Variants in ARHGEF3 observed in about 807,000 individuals in gnomAD.
ARHGEF3 encodes Rho guanine nucleotide exchange factor 3.
In ARHGEF3, 28 loss-of-function variants were observed where a neutral mutation model predicts 63.2. The ratio of observed to expected loss-of-function variants is 0.44; its 90% CI spans 0.33 to 0.61. The LOEUF (loss-of-function observed/expected upper bound fraction) is 0.61, where lower values mean the gene tolerates loss of function less well. Among genes scored for constraint, ARHGEF3 ranks in the 20% least tolerant of loss-of-function variants. The pLI is 0.03. For synonymous variants in ARHGEF3, 266 were observed against 254.2 expected (o/e 1.05, Z -0.44); for missense variants, 533 against 659.3 (o/e 0.81, Z 2.10).
intron 1 of ARHGEF3, among the ~76,000 whole-genome samples, chr3:57,058,886 G>GC (rs560117048): frequency 1.1e-3 from 166 of 151,026 alleles, no homozygotes; most frequent in African/African-American, 3.9e-3. Flanking sequence ...GCAAACTATC[G>GC]CAAGGACAAG....
intron 2 of ARHGEF3, among the ~76,000 whole-genome samples, chr3:56,759,956 C>A (rs563722806): frequency 6.6e-6 from 1 of 152,192 alleles, no homozygotes; most frequent in Non-Finnish European, 1.5e-5. Flanking sequence ...CTCAAATTCA[C>A]GTATTCTTTT....
intron 4 of ARHGEF3, among the ~76,000 whole-genome samples, chr3:56,850,389 C>T (rs763927079): frequency 2.6e-5 from 4 of 152,256 alleles, no homozygotes; most frequent in African/African-American, 7.2e-5. Flanking sequence ...ATTAGTTGGG[C>T]GTGGTGGCAC....
intron 3 of ARHGEF3, chr3:56,958,674 T>C: frequency 1.2e-6 from 1 of 821,022 alleles, no homozygotes; most frequent in East Asian, 2.7e-5. Context: ...CTGATTCAAG[T>C]GTGACTTCCC....
intron 3 of ARHGEF3, among the ~76,000 whole-genome samples, chr3:56,920,008 A>G (rs147400051): frequency 5.8e-4 from 89 of 152,330 alleles, no homozygotes; most frequent in African/African-American, 2.1e-3. Context: ...CTAGAGAAGG[A>G]TCGCTAACAA....
At chr3:56,992,089 C>A (rs1462947496) in intron 2 of ARHGEF3, among the ~76,000 whole-genome samples, 3 of 147,106 alleles carry the variant, frequency 2.0e-5, no homozygotes, top group Non-Finnish European at 4.5e-5. Context: ...GTCCTTAGAA[C>A]CAGCTTTCTC....
intron 2 of ARHGEF3, among the ~76,000 whole-genome samples, chr3:57,014,973 C>T (rs920494264): frequency 6.6e-6 from 1 of 152,044 alleles, no homozygotes; most frequent in South Asian, 2.1e-4. Context: ...GCGTGAGCCA[C>T]TGTGCCCGGC....
intron 1 of ARHGEF3, among the ~76,000 whole-genome samples, chr3:57,070,730 G>A (rs532053521): frequency 1.3e-5 from 2 of 152,116 alleles, no homozygotes; most frequent in Non-Finnish European, 2.9e-5. Flanking sequence ...AGGCCAAGGT[G>A]GGAGGACTAC....
intron 2 of ARHGEF3, among the ~76,000 whole-genome samples, chr3:56,967,861 G>C (rs1460211092): frequency 4.9e-5 from 1 of 20,482 alleles, no homozygotes; most frequent in Non-Finnish European, 1.0e-4. Context: ...AATATATAAT[G>C]ACATATATAA....
chr3:56,892,667 A>G (rs2041161876), intron 3 of ARHGEF3, among the ~76,000 whole-genome samples: 1 of 152,242 alleles, frequency 6.6e-6, no homozygotes, highest in South Asian at 2.1e-4. Flanking sequence ...CAATCAGCTT[A>G]GATTGTCCAA....
At chr3:57,064,590 G>A (rs1207280297) in intron 1 of ARHGEF3, among the ~76,000 whole-genome samples, 1 of 152,184 alleles carries the variant, frequency 6.6e-6, no homozygotes, top group African/African-American at 2.4e-5. Context: ...TTACAGGCAT[G>A]AGCCACCATA....
At chr3:56,857,585 GT>G (rs1256686894) in intron 4 of ARHGEF3, among the ~76,000 whole-genome samples, 2 of 152,164 alleles carry the variant, frequency 1.3e-5, no homozygotes, top group Non-Finnish European at 2.9e-5. Flanking sequence ...ACCTAACTCT[GT>G]ACTTTTTATT....
intron 1 of ARHGEF3, chr3:56,775,269 C>A: frequency 1.6e-6 from 2 of 1,278,456 alleles, no homozygotes. Flanking sequence ...AATTTGGAAT[C>A]CTGCTGAGAC....
rs2032846225 is a variant in ARHGEF3 at position 56,728,076 on chromosome 3, T to C, written c.*1194A>G. ...ACTTAGCTGTTTTTAAGGTCTGCAC[T>C]TTACCCTGCACTGTAAATCAAGGCT... On this transcript the variant is annotated 3_prime_UTR_variant, in exon 10 of 10. Coordinates refer to ENST00000296315, the MANE Select transcript of ARHGEF3 (RefSeq NM_019555.3). 3 of 152,660 alleles carry C rather than the reference T, an allele frequency of 2.0e-5. No homozygotes were observed. Among genetic ancestry groups the C allele is most frequent in the African/African-American group, 7.2e-5 (3 of 41,470 alleles). 9.5% of individuals were successfully genotyped at this position (152,660 alleles called of 1,614,324 possible).
chr3:56,845,783 C>G (rs2039468543), intron 4 of ARHGEF3, among the ~76,000 whole-genome samples: 1 of 152,152 alleles, frequency 6.6e-6, no homozygotes, highest in African/African-American at 2.4e-5. Context: ...GACTCAAAGC[C>G]AAACCCTGTA....
chr3:56,906,823 C>T (rs1444032302), intron 3 of ARHGEF3, among the ~76,000 whole-genome samples: 3 of 147,122 alleles, frequency 2.0e-5, no homozygotes, highest in South Asian at 2.2e-4. Context: ...GGCGACAGAG[C>T]GAGACTCTGT....
intron 2 of ARHGEF3, among the ~76,000 whole-genome samples, chr3:57,011,888 T>A (rs1209716040): frequency 1.3e-5 from 2 of 152,106 alleles, no homozygotes; most frequent in African/African-American, 4.8e-5. Flanking sequence ...ATTTGCACTA[T>A]GAGGAAGGAA....
intron 1 of ARHGEF3, among the ~76,000 whole-genome samples, chr3:56,796,974 A>T (rs771516181): frequency 3.3e-4 from 51 of 152,350 alleles, no homozygotes; most frequent in Non-Finnish European, 6.0e-4. Context: ...TGTTTCTTAA[A>T]ACCATTTTAA....
rs900292069 is a variant in ARHGEF3 at position 56,867,364 on chromosome 3, T to A, written c.192+14928A>T. ...TGTGAAGAGACAAATATAATAAATT[T>A]AAAAAATACATAATGTGGCAGGTGA... On this transcript the variant is annotated intron_variant, in intron 4 of 12. Transcript: ENST00000338458. 4.6e-5 allele frequency among the ~76,000 whole-genome samples: 7 copies of A among 152,112 alleles called. 1 individual carries two copies. The South Asian group carries it at 6.2e-4, about 14-fold the overall frequency.
rs563571926 is a variant in ARHGEF3 at position 56,737,576 on chromosome 3, C to A, written c.871-221G>T. Reference sequence around the variant, plus strand: ...ACATACACACACATTTATTTGTATACTTATAAAGATATTTGTATTATATAT... The same window carrying A: ...ACATACACACACATTTATTTGTATAATTATAAAGATATTTGTATTATATAT... On this transcript the variant is annotated intron_variant, in intron 7 of 9. Transcript: ENST00000296315. Among the ~76,000 whole-genome samples the A allele has an allele frequency of 9.2e-5, 14 of 151,536 alleles. No individual in the cohort carries two copies. The South Asian group carries it at 2.9e-3, about 32-fold the overall frequency.
Sources: allele counts gnomAD v4.1 joint callset (sites outside exome capture counted in the v4.1 genomes callset), GRCh38; gene constraint gnomAD v4.1.1; transcripts MANE v1.5; gene names NCBI Gene and HGNC (gene_info 2026-07-23, HGNC 2026-07-21).